Variants in TENM4 observed in about 807,000 individuals in gnomAD.
TENM4 encodes the protein teneurin transmembrane protein 4.
TENM4 carries 82 observed loss-of-function variants against 243.3 expected under a neutral mutation model. The observed-to-expected ratio is 0.34, with a 90% CI of 0.28 to 0.40. The LOEUF (loss-of-function observed/expected upper bound fraction) is 0.40, where lower values mean the gene tolerates loss of function less well. Among genes scored for constraint, TENM4 ranks in the 10% least tolerant of loss-of-function variants. The pLI is 1.00. For synonymous variants in TENM4, 1,412 were observed against 1,456.3 expected (o/e 0.97, Z 0.69); for missense variants, 3,138 against 3,673.3 (o/e 0.85, Z 3.77).
intron 28 of TENM4, among the ~76,000 whole-genome samples, chr11:78,692,521 C>T (rs1405720019): frequency 3.9e-5 from 6 of 152,116 alleles, no homozygotes; most frequent in African/African-American, 2.4e-5. Flanking sequence ...CTTCCCAGGG[C>T]CCCCAGGACC....
chr11:79,152,907 C>A (rs1862538209), intron 3 of TENM4, among the ~76,000 whole-genome samples: 1 of 152,204 alleles, frequency 6.6e-6, no homozygotes, highest in African/African-American at 2.4e-5. Context: ...GAGCTGCCAA[C>A]CTTAAACTGA....
At position 78,814,200 on chromosome 11, in the gene TENM4, T is replaced by C. The variant is rs146885832; in HGVS notation, c.1783+94A>G. On this transcript the variant is annotated intron_variant, in intron 13 of 33. Coordinates refer to ENST00000278550, the MANE Select transcript of TENM4 (RefSeq NM_001098816.3). ...AACCCTTCTCGTGGGCATCAGAAGG[T>C]GGGCTGGATTCTGCACTTGCTCTGA... is the stretch of plus-strand genomic sequence containing the variant. 101 of 1,209,198 alleles carry C rather than the reference T, an allele frequency of 8.4e-5. No individual in the cohort carries two copies. In the East Asian group the frequency reaches 2.7e-3, roughly 32 times the overall value. 74.9% of individuals were successfully genotyped at this position (1,209,198 alleles called of 1,614,324 possible).
chr11:79,320,519 C>T (rs935710042), intron 1 of TENM4, among the ~76,000 whole-genome samples: 1 of 152,166 alleles, frequency 6.6e-6, no homozygotes, highest in Non-Finnish European at 1.5e-5. Context: ...GTAACTATTG[C>T]TATTCCACTT....
At chr11:79,332,503 C>A (rs548833738) in intron 1 of TENM4, among the ~76,000 whole-genome samples, 2 of 151,898 alleles carry the variant, frequency 1.3e-5, no homozygotes, top group African/African-American at 2.4e-5. Flanking sequence ...AAAAATAAGG[C>A]CAACCTTATG....
intron 1 of TENM4, among the ~76,000 whole-genome samples, chr11:79,357,500 C>T (rs1014707977): frequency 2.0e-5 from 3 of 152,324 alleles, no homozygotes; most frequent in East Asian, 1.9e-4. Flanking sequence ...TAGCATTCTG[C>T]CTTAATCCAA....
intron 1 of TENM4, among the ~76,000 whole-genome samples, chr11:79,335,026 C>T (rs1324946502): frequency 6.6e-6 from 1 of 152,202 alleles, no homozygotes; most frequent in Non-Finnish European, 1.5e-5. Context: ...GCTTACAACT[C>T]CTCTGAAAAA....
At chr11:79,329,584 G>A (rs1857028845) in intron 1 of TENM4, among the ~76,000 whole-genome samples, 1 of 152,198 alleles carries the variant, frequency 6.6e-6, no homozygotes, top group Non-Finnish European at 1.5e-5. Flanking sequence ...TCTCTGAGAA[G>A]GTGGTACTTG....
Position 78,669,441 on chromosome 11 carries a change from T to C in TENM4, c.6904A>G (p.Ser2302Gly). Residue 2302 changes from serine to glycine, a missense_variant, in exon 32 of 34, where the codon AGC becomes GGC. Transcript: ENST00000278550. The surrounding 1 kb of genome is among the most constrained non-coding windows in gnomAD (Gnocchi z 6.4). ...AGGTGGTGGCTGTGGCTGCTCTTGCTGGACACGCGCCGCCCCAGGCCATCG... is the reference window on the plus strand; with the variant it reads ...AGGTGGTGGCTGTGGCTGCTCTTGCCGGACACGCGCCGCCCCAGGCCATCG... ...RYDGLGRRVSSKSSHSHHLQF... is the reference protein window; with the variant it reads ...RYDGLGRRVSGKSSHSHHLQF... The C allele has an allele frequency of 1.2e-6, 2 of 1,612,906 alleles. No homozygotes were observed. The highest frequency in any genetic ancestry group is 1.7e-4 in the Middle Eastern group (1 of 6,060).
chr11:79,097,795 A>T (rs1030557522), intron 4 of TENM4: 11 of 150,648 alleles, frequency 7.3e-5, no homozygotes, highest in Non-Finnish European at 1.5e-4. Context: ...TCACCCACAA[A>T]CTCCTCACTG....
At chr11:79,342,810 C>T (rs1857262790) in intron 1 of TENM4, among the ~76,000 whole-genome samples, 1 of 152,304 alleles carries the variant, frequency 6.6e-6, no homozygotes, top group African/African-American at 2.4e-5. Context: ...ATCTGGATTC[C>T]AGTTGGGCTC....
intron 7 of TENM4, among the ~76,000 whole-genome samples, 161 bp from the exon 8 acceptor site, chr11:78,891,497 G>T (rs983450737): frequency 3.3e-5 from 5 of 152,206 alleles, no homozygotes; most frequent in African/African-American, 1.2e-4. Context: ...CATGTGCAAG[G>T]GGTCCACCTG....
At chr11:79,286,357 A>G (rs887799767) in intron 2 of TENM4, among the ~76,000 whole-genome samples, 1 of 152,104 alleles carries the variant, frequency 6.6e-6, no homozygotes, top group Admixed American at 6.6e-5. Flanking sequence ...TTTGTTTTCT[A>G]TAAGTAGAAA....
intron 3 of TENM4, among the ~76,000 whole-genome samples, chr11:79,171,257 C>G (rs1365079569): frequency 6.6e-6 from 1 of 152,162 alleles, no homozygotes; most frequent in Non-Finnish European, 1.5e-5. Context: ...GCATGCCTCA[C>G]CCAGTATATG....
rs2136109297 is a variant in TENM4, at chr11:78,815,525, G to C, written c.1682-1130C>G. On this transcript the variant is annotated intron_variant, in intron 12 of 33. Coordinates refer to ENST00000278550, the MANE Select transcript of TENM4 (RefSeq NM_001098816.3). Reference sequence around the variant, plus strand: ...CGTTTGTTACATGCTCTGTGTGACAGGTCAAGAAAATATAGAATCAATTTC... The same window carrying C: ...CGTTTGTTACATGCTCTGTGTGACACGTCAAGAAAATATAGAATCAATTTC... Among the ~76,000 whole-genome samples the C allele has an allele frequency of 1.3e-5, 2 of 152,264 alleles. 1 individual carries two copies. The highest frequency in any genetic ancestry group is 4.1e-4 in the South Asian group (2 of 4,822).
chr11:78,944,246 T>A (rs1856964458), intron 6 of TENM4, among the ~76,000 whole-genome samples: 1 of 151,958 alleles, frequency 6.6e-6, no homozygotes, highest in Non-Finnish European at 1.5e-5. Context: ...AGTTTGGGGT[T>A]CGTAGTCCTG....
chr11:79,142,714 A>G (rs545369952), intron 4 of TENM4, among the ~76,000 whole-genome samples: 1 of 152,256 alleles, frequency 6.6e-6, no homozygotes, highest in South Asian at 2.1e-4. Context: ...GAGGAATCAC[A>G]TTACCTGACT....
chr11:79,186,759 A>G (rs1430195065), intron 3 of TENM4, among the ~76,000 whole-genome samples: 1 of 152,210 alleles, frequency 6.6e-6, no homozygotes, highest in Non-Finnish European at 1.5e-5. Context: ...GCAAATAAAT[A>G]CCGTGTGTTA....
At chr11:79,349,424 T>A (rs1343449443) in intron 1 of TENM4, among the ~76,000 whole-genome samples, 1 of 152,236 alleles carries the variant, frequency 6.6e-6, no homozygotes, top group Non-Finnish European at 1.5e-5. Context: ...CACCTTTCAT[T>A]TGCTTTGCCC....
intron 1 of TENM4, among the ~76,000 whole-genome samples, chr11:79,311,819 C>G (rs1256777161): frequency 6.6e-6 from 1 of 152,200 alleles, no homozygotes; most frequent in African/African-American, 2.4e-5. Context: ...CAGGTTCTAC[C>G]CCTGCCCACC....
Sources: allele counts gnomAD v4.1 joint callset (sites outside exome capture counted in the v4.1 genomes callset), GRCh38; gene constraint gnomAD v4.1.1; non-coding constraint Gnocchi (gnomAD v3.1); transcripts MANE v1.5; gene names NCBI Gene and HGNC (gene_info 2026-07-23, HGNC 2026-07-21).